VPS13B: variants seen among roughly 807,000 people sequenced by gnomAD.
The protein encoded by VPS13B is intermembrane lipid transfer protein VPS13B.
In VPS13B, 285 loss-of-function variants were observed where a neutral mutation model predicts 426.4. The ratio of observed to expected loss-of-function variants is 0.67; its 90% CI spans 0.61 to 0.74. VPS13B has a LOEUF of 0.74. VPS13B is among the 30% of genes least tolerant of loss of function. The pLI is 0.00. For missense variants in VPS13B, 4,537 were observed against 4,782.6 expected (o/e 0.95, Z 1.51); for synonymous variants, 1,676 against 1,676.4 (o/e 1.00, Z 0.01).
intron 33 of VPS13B, among the ~76,000 whole-genome samples, chr8:99,621,297 A>G (rs1828337731): frequency 6.6e-6 from 1 of 152,226 alleles, no homozygotes; most frequent in Non-Finnish European, 1.5e-5. Flanking sequence ...TCTCTTCTCC[A>G]TAAATAAGGA....
At chr8:99,714,555 G>A (rs1164548885) in intron 36 of VPS13B, among the ~76,000 whole-genome samples, 2 of 152,166 alleles carry the variant, frequency 1.3e-5, no homozygotes, top group Admixed American at 6.5e-5. Context: ...AGGGGAAAGT[G>A]TTAACTTTAC....
At chr8:99,472,360 A>T (rs1413575048) in intron 24 of VPS13B, among the ~76,000 whole-genome samples, 3 of 152,056 alleles carry the variant, frequency 2.0e-5, no homozygotes, top group Non-Finnish European at 4.4e-5. Context: ...AATCACATGA[A>T]AGTATTATTT....
intron 19 of VPS13B, among the ~76,000 whole-genome samples, chr8:99,343,223 A>G (rs2133191048): frequency 6.6e-6 from 1 of 151,838 alleles, no homozygotes; most frequent in African/African-American, 2.4e-5. Flanking sequence ...CCTCCTGAGT[A>G]GCTGGCACTA....
At chr8:99,497,124 T>C (rs1288601590) in intron 25 of VPS13B, among the ~76,000 whole-genome samples, 2 of 141,950 alleles carry the variant, frequency 1.4e-5, no homozygotes, top group East Asian at 2.0e-4. Context: ...TATATTTATA[T>C]ATTTCATATA....
intron 27 of VPS13B, 91 bp downstream of exon 27, chr8:99,503,041 T>A: frequency 1.0e-6 from 1 of 952,890 alleles, no homozygotes; most frequent in Non-Finnish European, 1.7e-6. Flanking sequence ...TGGCTGGTTA[T>A]TAAAATAAAT....
At position 99,724,702 on chromosome 8, in the gene VPS13B, C is replaced by T. The variant is rs1349147584; in HGVS notation, c.7050+3655C>T. On this transcript the variant is annotated intron_variant, in intron 39 of 61. Transcript: ENST00000357162. The stretch of plus-strand genomic sequence containing the variant: ...TAATAAGGGCTTGTTTCCTCCCCTC[C>T]GCTTTTTCTTATCACACAAATGCCT... 5.9e-5 allele frequency among the ~76,000 whole-genome samples: 9 copies of T among 152,154 alleles called. 1 individual carries two copies. Among genetic ancestry groups the T allele is most frequent in the South Asian group, 4.1e-4 (2 of 4,822 alleles).
intron 19 of VPS13B, among the ~76,000 whole-genome samples, chr8:99,296,015 A>G (rs1211589089): frequency 6.6e-6 from 1 of 152,182 alleles, no homozygotes; most frequent in Non-Finnish European, 1.5e-5. Context: ...CCTGGGCAAT[A>G]CAGTGAGACC....
chr8:99,438,688 T>C (rs528543956), intron 22 of VPS13B, among the ~76,000 whole-genome samples: 1 of 152,284 alleles, frequency 6.6e-6, no homozygotes, highest in South Asian at 2.1e-4. Flanking sequence ...TATTTAAATT[T>C]CTACTACATA....
chr8:99,207,757 G>A (rs188539994), intron 17 of VPS13B, among the ~76,000 whole-genome samples: 160 of 152,106 alleles, frequency 1.1e-3, no homozygotes, highest in African/African-American at 3.7e-3. Context: ...CTGTTTATTT[G>A]CCTATGTATT....
At chr8:99,343,229 C>T (rs186026922) in intron 19 of VPS13B, among the ~76,000 whole-genome samples, 6 of 151,752 alleles carry the variant, frequency 4.0e-5, no homozygotes, top group East Asian at 1.9e-4. Context: ...GAGTAGCTGG[C>T]ACTACAGGCA....
At chr8:99,740,179 C>T (rs181289727) in intron 39 of VPS13B, among the ~76,000 whole-genome samples, 2 of 152,274 alleles carry the variant, frequency 1.3e-5, no homozygotes, top group East Asian at 1.9e-4. Flanking sequence ...GAGGAATGCA[C>T]AAGCCTCGGT....
intron 43 of VPS13B, among the ~76,000 whole-genome samples, chr8:99,801,178 C>G (rs1335794497): frequency 1.3e-5 from 2 of 152,070 alleles, no homozygotes; most frequent in Non-Finnish European, 2.9e-5. Context: ...TTCACCCTTC[C>G]TTCCTATATC....
intron 2 of VPS13B, among the ~76,000 whole-genome samples, chr8:99,025,773 G>A (rs986557080): frequency 1.4e-4 from 21 of 151,990 alleles, no homozygotes; most frequent in African/African-American, 4.6e-4. Flanking sequence ...TTTCTTCTTG[G>A]TTCAATTTTG....
intron 3 of VPS13B, among the ~76,000 whole-genome samples, chr8:99,041,927 G>C (rs1037442938): frequency 6.7e-6 from 1 of 149,928 alleles, no homozygotes; most frequent in African/African-American, 2.4e-5. Context: ...TCTGGTTTTT[G>C]TACCACCTGG....
intron 19 of VPS13B, among the ~76,000 whole-genome samples, chr8:99,374,345 T>A (rs891524203): frequency 1.3e-5 from 2 of 152,036 alleles, no homozygotes; most frequent in Non-Finnish European, 2.9e-5. Flanking sequence ...ATTATATTTT[T>A]AAAAATCTAA....
chr8:99,871,412 G>A, intron 60 of VPS13B, 36 bp from the exon 61 acceptor site: 1 of 1,613,762 alleles, frequency 6.2e-7, no homozygotes, highest in Admixed American at 1.7e-5. Flanking sequence ...TCTTTTCACA[G>A]CTGGCCCCTG....
intron 2 of VPS13B, among the ~76,000 whole-genome samples, chr8:99,017,236 T>C (rs543706043): frequency 6.9e-4 from 105 of 152,286 alleles, no homozygotes; most frequent in Admixed American, 1.3e-3. Context: ...ATACCATTTG[T>C]TGAACTCTTC....
In VPS13B at chr8:99,589,655, G is replaced by A. The variant is rs553028071; in HGVS notation, c.5220+12022G>A. Among the ~76,000 whole-genome samples the A allele has an allele frequency of 1.4e-3, 210 of 149,412 alleles. 6 individuals are homozygous for A. The highest frequency in any genetic ancestry group is 4.5e-3 in the African/African-American group (176 of 38,944). ...AGTCTTTGCTATTGCGAATAGTGCCGCTATAAACATACATGTGCCTGTGTC... is the reference window on the plus strand; with the variant it reads ...AGTCTTTGCTATTGCGAATAGTGCCACTATAAACATACATGTGCCTGTGTC... On this transcript the variant is annotated intron_variant, in intron 33 of 61. Coordinates refer to ENST00000357162, the MANE Select transcript of VPS13B (RefSeq NM_152564.5).
intron 23 of VPS13B, among the ~76,000 whole-genome samples, chr8:99,453,535 T>G (rs1418170528): frequency 6.6e-6 from 1 of 152,208 alleles, no homozygotes; most frequent in Non-Finnish European, 1.5e-5. Flanking sequence ...ACATTCAGCC[T>G]TCTTTATCAT....
Sources: allele counts gnomAD v4.1 joint callset (sites outside exome capture counted in the v4.1 genomes callset), GRCh38; gene constraint gnomAD v4.1.1; transcripts MANE v1.5; gene names NCBI Gene and HGNC (gene_info 2026-07-23, HGNC 2026-07-21).